The following MTNAP1 variants were observed in gnomAD, a reference collection of about 807,000 sequenced individuals.
The protein encoded by MTNAP1 is mitochondrial nucleoid-associated protein 1.
At chr17:73,233,995 TTGG>T in the MTNAP1 span, among the ~76,000 whole-genome samples, 1 of 152,242 alleles carries the variant, frequency 6.6e-6, no homozygotes, top group African/African-American at 2.4e-5. Context: ...ATTGAATGGA[TTGG>T]TGAAGATTGT....
At chr17:73,234,773 C>CTGTGTGTGTGTGTGTGTGTGTG in the MTNAP1 span, among the ~76,000 whole-genome samples, 7,160 of 145,826 alleles carry the variant, frequency 0.049, 251 homozygotes, top group South Asian at 0.093. Flanking sequence ...TTATGTATAT[C>CTGTGTGTGTGTGTGTGTGTGTG]TGTGTGTGTG....
the MTNAP1 span, among the ~76,000 whole-genome samples, chr17:73,246,185 G>A: frequency 6.6e-6 from 1 of 152,140 alleles, no homozygotes; most frequent in Admixed American, 6.6e-5. Flanking sequence ...TTTGCTTGTG[G>A]TGTCCTCATG....
the MTNAP1 span, chr17:73,247,322 C>T: frequency 4.3e-6 from 7 of 1,614,088 alleles, no homozygotes; most frequent in Admixed American, 3.3e-5. Flanking sequence ...GATTGCCGCT[C>T]TAAAACATGT....
At chr17:73,246,344 C>T in the MTNAP1 span, among the ~76,000 whole-genome samples, 1 of 151,942 alleles carries the variant, frequency 6.6e-6, no homozygotes, top group East Asian at 1.9e-4. Context: ...TCAGCCTGTG[C>T]AATGTGGTGA....
At chr17:73,241,416 C>A in the MTNAP1 span, among the ~76,000 whole-genome samples, 1 of 152,072 alleles carries the variant, frequency 6.6e-6, no homozygotes. Context: ...CCTCAGCCTC[C>A]CAAAGTGCTG....
At chr17:73,242,433 C>A in the MTNAP1 span, 2 of 899,988 alleles carry the variant, frequency 2.2e-6, no homozygotes, top group Non-Finnish European at 3.4e-6. Context: ...TTAAGCAAGG[C>A]TAAAGAGGAG....
chr17:73,237,082 T>C, the MTNAP1 span: 2 of 1,267,240 alleles, frequency 1.6e-6, no homozygotes, highest in Non-Finnish European at 2.1e-6. Flanking sequence ...AATACTAACA[T>C]TTTCAGTCAT....
At chr17:73,235,329 C>G in the MTNAP1 span, 2 of 619,906 alleles carry the variant, frequency 3.2e-6, no homozygotes, top group Non-Finnish European at 2.6e-6. Flanking sequence ...ATTTTTTATA[C>G]TCATATAATG....
At chr17:73,242,729 CAAGTT>C in the MTNAP1 span, among the ~76,000 whole-genome samples, 1 of 152,198 alleles carries the variant, frequency 6.6e-6, no homozygotes, top group Non-Finnish European at 1.5e-5. Context: ...TGAATCTAGT[CAAGTT>C]AAGGTTCTTT....
At chr17:73,236,144 T>C in the MTNAP1 span, 35 of 1,614,046 alleles carry the variant, frequency 2.2e-5, no homozygotes, top group Non-Finnish European at 2.9e-5. Flanking sequence ...GTAAAATTAC[T>C]AGATGTGCCT....
chr17:73,233,805 T>C, the MTNAP1 span, among the ~76,000 whole-genome samples: 3 of 151,742 alleles, frequency 2.0e-5, no homozygotes, highest in African/African-American at 7.3e-5. Context: ...CCTGGGAGGC[T>C]GAGGTTGCTG....
At chr17:73,236,774 C>CT in the MTNAP1 span, 2 of 1,614,124 alleles carry the variant, frequency 1.2e-6, no homozygotes, top group Non-Finnish European at 1.7e-6. Flanking sequence ...TGCCAGAGCC[C>CT]TTTATGTTCA....
At chr17:73,246,663 T>TG in the MTNAP1 span, among the ~76,000 whole-genome samples, 1 of 152,216 alleles carries the variant, frequency 6.6e-6, no homozygotes, top group African/African-American at 2.4e-5. Context: ...CCCAATCCCC[T>TG]GCTCCTTTCC....
At chr17:73,247,308 T>C in the MTNAP1 span, 6 of 1,614,032 alleles carry the variant, frequency 3.7e-6, no homozygotes, top group Admixed American at 5.0e-5. Context: ...CGAAGACGAC[T>C]GGGGATTGCC....
the MTNAP1 span, among the ~76,000 whole-genome samples, chr17:73,243,528 T>C: frequency 4.0e-5 from 6 of 151,164 alleles, no homozygotes; most frequent in African/African-American, 1.5e-4. Context: ...TAATTGCCCT[T>C]GTCCTCCATT....
At chr17:73,244,285 G>T in the MTNAP1 span, among the ~76,000 whole-genome samples, 4 of 151,994 alleles carry the variant, frequency 2.6e-5, no homozygotes, top group East Asian at 7.7e-4. Flanking sequence ...TTTTGGGGCC[G>T]GGCGCGGTGG....
chr17:73,248,237 A>G, the MTNAP1 span: 2 of 467,990 alleles, frequency 4.3e-6, no homozygotes, highest in Admixed American at 3.8e-5. Context: ...ATCCAGAAAG[A>G]CAAGACTCCT....
chr17:73,247,473 G>A, the MTNAP1 span: 6 of 797,628 alleles, frequency 7.5e-6, no homozygotes, highest in African/African-American at 8.6e-5. Flanking sequence ...AGCCCTCAAG[G>A]TTATCAGGAG....
At chr17:73,242,342 G>A in the MTNAP1 span, 2 of 1,572,888 alleles carry the variant, frequency 1.3e-6, no homozygotes, top group African/African-American at 1.4e-5. Flanking sequence ...CTTGGGAGCT[G>A]TACAAAAAGG....
Sources: gnomAD v4.1 joint callset for allele counts (sites outside exome capture counted in the v4.1 genomes callset) on GRCh38, gnomAD v4.1.1 for gene constraint, MANE v1.5 for transcripts, NCBI Gene and HGNC (gene_info 2026-07-23, HGNC 2026-07-21) for gene names.